The following SLC39A7 variants were observed in gnomAD, a reference collection of about 807,000 sequenced individuals.
SLC39A7 encodes zinc transporter SLC39A7.
SLC39A7 carries 25 observed loss-of-function variants against 39.7 expected under a neutral mutation model. That is an observed-to-expected ratio of 0.63 (90% CI 0.46 to 0.88). The LOEUF is 0.88. Among genes scored for constraint, SLC39A7 ranks in the 40% least tolerant of loss-of-function variants. The pLI, the probability that SLC39A7 is intolerant of heterozygous loss-of-function variation, is 0.00. For missense variants in SLC39A7, 501 were observed against 592.1 expected (o/e 0.85, Z 1.60); for synonymous variants, 181 against 234.1 (o/e 0.77, Z 2.07).
chr6:33,202,665 G>A lies in SLC39A7; in HGVS notation c.905G>A (p.Arg302Lys). The A allele has an allele frequency of 1.2e-6, 2 of 1,607,454 alleles. No individual in the cohort carries two copies. Among genetic ancestry groups the A allele is most frequent in the South Asian group, 1.1e-5 (1 of 89,998 alleles). ...GSTVPKDGPV[R>K]PQNAEEEKRG... ...ACAGTACCCAAAGATGGGCCAGTGAGACCTCAGAACGCTGAAGAAGAAAAA... is the reference window on the plus strand; with the variant it reads ...ACAGTACCCAAAGATGGGCCAGTGAAACCTCAGAACGCTGAAGAAGAAAAA... Residue 302 changes from arginine to lysine, a missense_variant, in exon 5 of 7, where the codon AGA becomes AAA. Transcript: ENST00000374677.
In SLC39A7 at chr6:33,201,731, C is replaced by G. The variant is rs767323312; in HGVS notation, c.412-14C>G. The G allele has an allele frequency of 6.2e-7, 1 of 1,613,982 alleles. No homozygotes were observed. Among genetic ancestry groups the G allele is most frequent in the Admixed American group, 1.7e-5 (1 of 60,034 alleles). On this transcript the variant is annotated splice_polypyrimidine_tract_variant and intron_variant, in intron 1 of 6. Coordinates refer to ENST00000374677, the MANE Select transcript of SLC39A7 (RefSeq NM_006979.3). The surrounding 1 kb of genome is among the most constrained non-coding windows in gnomAD (Gnocchi z 5.9). Reference sequence around the variant, plus strand: ...GAAACTCCACAGTACTTGACCTTGACTCTCCCTCACCAGGCACTGGGGGCC... The same window carrying G: ...GAAACTCCACAGTACTTGACCTTGAGTCTCCCTCACCAGGCACTGGGGGCC...
chr6:33,201,906 T>C lies in SLC39A7; in HGVS notation c.573T>C (p.His191=), dbSNP rs767527073. ...LGDAFLHLIP[H]ALEPHSHHTL... Reference sequence around the variant, plus strand: ...ATGCTTTCCTGCACCTCATTCCTCATGCTCTTGGTAAGTAACCTCTGACTT... The same window carrying C: ...ATGCTTTCCTGCACCTCATTCCTCACGCTCTTGGTAAGTAACCTCTGACTT... Residue 191 remains histidine, a synonymous_variant, in exon 2 of 7, where the codon CAT becomes CAC. Coordinates refer to ENST00000374677, the MANE Select transcript of SLC39A7 (RefSeq NM_006979.3). This position sits in a 1 kb window ranked among gnomAD's most constrained non-coding sequence, Gnocchi z 5.9. 6 of 1,612,748 alleles carry C rather than the reference T, an allele frequency of 3.7e-6. No homozygotes were observed. The highest frequency in any genetic ancestry group is 4.2e-6 in the Non-Finnish European group (5 of 1,179,984).
chr6:33,202,361 G>A lies in SLC39A7; in HGVS notation c.733G>A (p.Gly245Ser), dbSNP rs749983724. 2 of 1,612,852 alleles carry A rather than the reference G, an allele frequency of 1.2e-6. No homozygotes were observed. Among genetic ancestry groups the A allele is most frequent in the Non-Finnish European group, 1.7e-6 (2 of 1,179,896 alleles). ...TGTGAGACATGTGAAAGGAGGACAT[G>A]GTCACAGTCATGGACATGGACACGC... is the stretch of plus-strand genomic sequence containing the variant. ...KFVRHVKGGHGHSHGHGHAHS... is the reference protein window; with the variant it reads ...KFVRHVKGGHSHSHGHGHAHS... The change falls in exon 4 of 7, where the codon GGT becomes AGT. Residue 245 changes from glycine to serine, a missense_variant. Transcript: ENST00000374677.
rs1774850193 is a variant in SLC39A7 at position 33,204,412 on chromosome 6, A to G, written c.*599A>G. 1.7e-6 allele frequency: 1 copy of G among 597,816 alleles called. No individual in the cohort carries two copies. The highest frequency in any genetic ancestry group is 1.9e-5 in the African/African-American group (1 of 53,732). The allele number at this position is 597,816 out of a possible 1,614,324, so 37.0% of individuals were successfully genotyped here. On this transcript the variant is annotated 3_prime_UTR_variant, in exon 7 of 7. Transcript: ENST00000374677. ...CGAGGGGGAGGGGTGGTAACCGGAA[A>G]TAAAGACCTCCGATCTTCCGCCCCA...
chr6:33,200,935 G>A lies in SLC39A7; in HGVS notation c.-311G>A, dbSNP rs1243430124. ...AACCGGGAAAGGAGAGGATCCCGGA[G>A]CCGGTGAGAATTCTCTGTTTTTTCT... On this transcript the variant is annotated 5_prime_UTR_variant, in exon 1 of 7. Transcript: ENST00000374677. This position sits in a 1 kb window ranked among gnomAD's most constrained non-coding sequence, Gnocchi z 6.3. 1 of 1,009,116 alleles carries A rather than the reference G, an allele frequency of 9.9e-7. No homozygotes were observed. The highest frequency in any genetic ancestry group is 2.8e-5 in the East Asian group (1 of 36,218). 62.5% of individuals were successfully genotyped at this position (1,009,116 alleles called of 1,614,324 possible).
At position 33,200,940 on chromosome 6, in the gene SLC39A7, T is replaced by A; in HGVS notation, c.-306T>A. 1.0e-6 allele frequency: 1 copy of A among 985,510 alleles called. No homozygotes were observed. The highest frequency in any genetic ancestry group is 1.6e-6 in the Non-Finnish European group (1 of 636,830). 61.0% of individuals were successfully genotyped at this position (985,510 alleles called of 1,614,324 possible). On this transcript the variant is annotated 5_prime_UTR_variant, in exon 1 of 7. Coordinates refer to ENST00000374677, the MANE Select transcript of SLC39A7 (RefSeq NM_006979.3). This position sits in a 1 kb window ranked among gnomAD's most constrained non-coding sequence, Gnocchi z 6.3. ...GGAAAGGAGAGGATCCCGGAGCCGGTGAGAATTCTCTGTTTTTTCTCTACC... is the reference window on the plus strand; with the variant it reads ...GGAAAGGAGAGGATCCCGGAGCCGGAGAGAATTCTCTGTTTTTTCTCTACC...
Position 33,203,769 on chromosome 6 carries a change from C to T in SLC39A7, c.1366C>T (p.Leu456=). 1 of 1,614,168 alleles carries T rather than the reference C, an allele frequency of 6.2e-7. No individual in the cohort carries two copies. The highest frequency in any genetic ancestry group is 8.5e-7 in the Non-Finnish European group (1 of 1,180,032). The stretch of plus-strand genomic sequence containing the variant: ...ATCACTTCTGGAGGTGCTGGGGCTG[C>T]TGGGGGGAGTTATCATGATGGTGCT... ...LQSLLEVLGL[L]GGVIMMVLIA... Residue 456 remains leucine, a synonymous_variant, in exon 7 of 7, where the codon CTG becomes TTG. Coordinates refer to ENST00000374677, the MANE Select transcript of SLC39A7 (RefSeq NM_006979.3).
Position 33,201,193 on chromosome 6 carries a change from G to A in SLC39A7, c.-53G>A. On this transcript the variant is annotated 5_prime_UTR_variant, in exon 1 of 7. The change abolishes the stop of an existing upstream ORF in the 5' untranslated region. Transcript: ENST00000374677. The surrounding 1 kb of genome is among the most constrained non-coding windows in gnomAD (Gnocchi z 5.9). The stretch of plus-strand genomic sequence containing the variant: ...ATTGGAGTAAAGCGGACCCTGTGTA[G>A]GTATAGAGTTGAGTCAAGTGGAGTC... 1.3e-6 allele frequency: 2 copies of A among 1,531,228 alleles called. No individual in the cohort carries two copies. The highest frequency in any genetic ancestry group is 1.8e-6 in the Non-Finnish European group (2 of 1,133,158). 94.9% of individuals were successfully genotyped at this position (1,531,228 alleles called of 1,614,324 possible). A position where few individuals can be genotyped will look rare whatever the true frequency, so the allele number is the denominator to read the frequency against.
intron 3 of SLC39A7, 37 bp from the exon 4 acceptor site, chr6:33,202,226 C>T (rs765733334): frequency 6.2e-6 from 10 of 1,600,244 alleles, no homozygotes; most frequent in Non-Finnish European, 8.6e-6. Context: ...GTCTGGAATG[C>T]ACATCTCCCT....
chr6:33,203,691 G>C lies in SLC39A7; in HGVS notation c.1288G>C (p.Val430Leu). Residue 430 changes from valine to leucine, a missense_variant, in exon 7 of 7, where the codon GTA becomes CTA. Val to Leu is a conservative substitution (Grantham distance 32). Transcript: ENST00000374677. ...ATTTACTGCAGGTGGCTTTATCTAC[G>C]TAGCAACAGTGTCTGTGTTGCCCGA... ...LPFTAGGFIYVATVSVLPELL... is the reference protein window; with the variant it reads ...LPFTAGGFIYLATVSVLPELL... The C allele has an allele frequency of 6.2e-7, 1 of 1,614,222 alleles. No homozygotes were observed. The highest frequency in any genetic ancestry group is 8.5e-7 in the Non-Finnish European group (1 of 1,180,032).
At position 33,202,321 on chromosome 6, in the gene SLC39A7, TGTC is replaced by T. The variant is rs1774657732; in HGVS notation, c.696_698del (p.Val233del). On this transcript the variant is annotated inframe_deletion, in exon 4 of 7. Coordinates refer to ENST00000374677, the MANE Select transcript of SLC39A7 (RefSeq NM_006979.3). The stretch of plus-strand genomic sequence containing the variant: ...TTCTCAGTGGAATTGTTGCCTTTCT[TGTC>T]GTGGAGAAATTTGTGAGACATGTGA... 2 of 1,613,046 alleles carry T rather than the reference TGTC, an allele frequency of 1.2e-6. No homozygotes were observed. The highest frequency in any genetic ancestry group is 1.7e-6 in the Non-Finnish European group (2 of 1,180,018).
rs545297161 is a variant in SLC39A7, at chr6:33,201,948, C to T, written c.580+35C>T. The T allele has an allele frequency of 1.6e-4, 260 of 1,608,750 alleles. 2 individuals are homozygous for T. In the South Asian group the frequency reaches 2.2e-3, roughly 14 times the overall value. ...CTCTGACTTCTACCTCAAATCTAAC[C>T]TATTTCGTTCTTTGGAGGAAAAGGG... On this transcript the variant is annotated intron_variant, in intron 2 of 6. Coordinates refer to ENST00000374677, the MANE Select transcript of SLC39A7 (RefSeq NM_006979.3). The surrounding 1 kb of genome is among the most constrained non-coding windows in gnomAD (Gnocchi z 5.9).
Position 33,202,918 on chromosome 6 carries a change from G to T in SLC39A7, c.949G>T (p.Val317Leu). The T allele has an allele frequency of 6.2e-7, 1 of 1,610,684 alleles. No individual in the cohort carries two copies. ...TTCTTGTCCTGTACAAGACCTGCGT[G>T]TGTCGGGGTACCTGAATCTGGCTGC... The part of the protein sequence containing the change: ...EEEKRGLDLR[V>L]SGYLNLAADL... Residue 317 changes from valine to leucine, a missense_variant, in exon 6 of 7, where the codon GTG becomes TTG. By Grantham distance (32) the Val-to-Leu change is conservative (BLOSUM62 1). Transcript: ENST00000374677.
rs1164909948 is a variant in SLC39A7, at chr6:33,201,252, A to T, written c.7A>T (p.Arg3Ter). 1.2e-6 allele frequency: 2 copies of T among 1,611,186 alleles called. No individual in the cohort carries two copies. Residue 3 changes from arginine to a stop codon, truncating the protein, a stop_gained, in exon 1 of 7, where the codon AGA (arginine) becomes TGA (stop). Transcript: ENST00000374677. LOFTEE classifies it high-confidence loss of function. This position sits in a 1 kb window ranked among gnomAD's most constrained non-coding sequence, Gnocchi z 5.9. ...TGTCCCTCTGGTCAGCGTGATGGCC[A>T]GAGGCCTGGGGGCCCCCCACTGGGT... MA[R>*]GLGAPHWVAV...
chr6:33,202,052 GT>G lies in SLC39A7; in HGVS notation c.581-16del. 1 of 1,612,310 alleles carries G rather than the reference GT, an allele frequency of 6.2e-7. No individual in the cohort carries two copies. On this transcript the variant is annotated intron_variant, in intron 2 of 6. Transcript: ENST00000374677. Reference sequence around the variant, plus strand: ...ATTGTGTCAGATATTCCCTCATCTGGTTTTCCCCCCTTCTTCCAGAACCTCA... The same window carrying G: ...ATTGTGTCAGATATTCCCTCATCTGGTTTCCCCCCTTCTTCCAGAACCTCA...
chr6:33,204,279 T>G lies in SLC39A7; in HGVS notation c.*466T>G. On this transcript the variant is annotated 3_prime_UTR_variant, in exon 7 of 7. Coordinates refer to ENST00000374677, the MANE Select transcript of SLC39A7 (RefSeq NM_006979.3). Reference sequence around the variant, plus strand: ...GGATAAACATCAAACATCAATCGTGTGTCCTGATTTGGGAGTGATTGGGGG... The same window carrying G: ...GGATAAACATCAAACATCAATCGTGGGTCCTGATTTGGGAGTGATTGGGGG... 1 of 483,542 alleles carries G rather than the reference T, an allele frequency of 2.1e-6. No individual in the cohort carries two copies. The allele number at this position is 483,542 out of a possible 1,614,324, so 30.0% of individuals were successfully genotyped here.
At chr6:33,202,856 G>T (rs1774717823) in intron 5 of SLC39A7, 54 bp from the exon 6 acceptor site, 1 of 1,584,078 alleles carries the variant, frequency 6.3e-7, no homozygotes, top group Non-Finnish European at 8.6e-7. Flanking sequence ...GACCAAGACT[G>T]GAACAAGTGG....
At position 33,201,096 on chromosome 6, in the gene SLC39A7, A is replaced by T; in HGVS notation, c.-150A>T. ...GAGGTGGTTCGGGATAAAGAGAACT[A>T]GTCTTGGGAACAATGTAGGTGGGAA... On this transcript the variant is annotated 5_prime_UTR_variant, in exon 1 of 7. Coordinates refer to ENST00000374677, the MANE Select transcript of SLC39A7 (RefSeq NM_006979.3). The surrounding 1 kb of genome is among the most constrained non-coding windows in gnomAD (Gnocchi z 5.9). 1 of 850,158 alleles carries T rather than the reference A, an allele frequency of 1.2e-6. No homozygotes were observed. The allele number at this position is 850,158 out of a possible 1,614,324, so 52.7% of individuals were successfully genotyped here. A position where few individuals can be genotyped will look rare whatever the true frequency, so the allele number is the denominator to read the frequency against.
Position 33,202,706 on chromosome 6 carries a change from G to A in SLC39A7, c.940+6G>A. 1 of 1,582,764 alleles carries A rather than the reference G, an allele frequency of 6.3e-7. No individual in the cohort carries two copies. Among genetic ancestry groups the A allele is most frequent in the Non-Finnish European group, 8.5e-7 (1 of 1,170,690 alleles). ...AGAAGAAAAAAGAGGCTTAGGTAAGGGCCAGAGTTGGTGATAAATTTGGGC... is the reference window on the plus strand; with the variant it reads ...AGAAGAAAAAAGAGGCTTAGGTAAGAGCCAGAGTTGGTGATAAATTTGGGC... On this transcript the variant is annotated splice_donor_region_variant and intron_variant, in intron 5 of 6. Transcript: ENST00000374677.
Sources: gnomAD v4.1 joint callset for allele counts on GRCh38, gnomAD v4.1.1 for gene constraint, Gnocchi (gnomAD v3.1) non-coding constraint, MANE v1.5 for transcripts, NCBI Gene and HGNC (gene_info 2026-07-23, HGNC 2026-07-21) for gene names.